GRM8: variants seen among roughly 807,000 people sequenced by gnomAD.
GRM8 encodes glutamate metabotropic receptor 8, also known as metabotropic glutamate receptor 8.
Under a neutral mutation model 87.2 loss-of-function variants are expected in GRM8, and 47 were observed. The ratio of observed to expected loss-of-function variants is 0.54; its 90% confidence interval spans 0.43 to 0.69. The LOEUF (loss-of-function observed/expected upper bound fraction) is 0.69. GRM8 is among the 30% of genes least tolerant of loss of function. The pLI, the probability that GRM8 is intolerant of heterozygous loss-of-function variation, is 0.00. For synonymous variants in GRM8, 396 were observed against 404.5 expected (o/e 0.98, Z 0.25); for missense variants, 1,019 against 1,139.2 (o/e 0.89, Z 1.52).
In GRM8 at chr7:126,679,885, G is replaced by A. The variant is rs1807358971; in HGVS notation, c.1358-70387C>T. 2.0e-5 allele frequency among the ~76,000 whole-genome samples: 3 copies of A among 151,978 alleles called. No homozygotes were observed. In the South Asian group the frequency reaches 6.2e-4, roughly 32 times the overall value. ...TCTCTACTAAAAAATAGAAAAATGA[G>A]CCAGGCCAGGTGGCAGGCACCTGTA... On this transcript the variant is annotated intron_variant, in intron 7 of 10. Coordinates refer to ENST00000339582, the MANE Select transcript of GRM8 (RefSeq NM_000845.3).
chr7:126,578,755 T>G (rs973261302), intron 8 of GRM8, among the ~76,000 whole-genome samples: 6 of 152,234 alleles, frequency 3.9e-5, no homozygotes, highest in Non-Finnish European at 5.9e-5. Context: ...AAATCACCAT[T>G]TTTAATTTGG....
intron 1 of GRM8, among the ~76,000 whole-genome samples, chr7:127,244,902 G>A (rs951042295): frequency 3.3e-5 from 5 of 152,116 alleles, no homozygotes; most frequent in African/African-American, 9.7e-5. Context: ...TGGCCCACTC[G>A]GCTGAGATAG....
chr7:126,743,087 CT>C (rs948695648), intron 7 of GRM8, among the ~76,000 whole-genome samples: 1 of 152,062 alleles, frequency 6.6e-6, no homozygotes, highest in African/African-American at 2.4e-5. Context: ...GGTACCTCCC[CT>C]AATGGCTTTA....
At chr7:127,055,270 T>C (rs1359687427) in intron 3 of GRM8, among the ~76,000 whole-genome samples, 1 of 152,186 alleles carries the variant, frequency 6.6e-6, no homozygotes, top group Non-Finnish European at 1.5e-5. Context: ...TATCTTTAAA[T>C]ATTTTTTAGG....
Position 126,446,146 on chromosome 7 carries a change from C to G in GRM8, c.2657G>C (p.Cys886Ser), listed in dbSNP as rs1198292954. 6.2e-7 allele frequency: 1 copy of G among 1,612,874 alleles called. No homozygotes were observed. The highest frequency in any genetic ancestry group is 8.5e-7 in the Non-Finnish European group (1 of 1,179,136). ...CTTACTGTTGGTTTCAAGACTCTCA[C>G]AGAGTTCACTTTTCACCTCGCCATT... The part of the protein sequence containing the change: ...RPNGEVKSEL[C>S]ESLETNTSST... Residue 886 changes from cysteine (C) to serine (S), a missense_variant, in exon 10 of 11, where the codon TGT (cysteine) becomes TCT (serine). By Grantham distance (112) the Cys-to-Ser change is moderately radical. Coordinates refer to ENST00000339582, the MANE Select transcript of GRM8 (RefSeq NM_000845.3).
At chr7:126,475,592 T>TA (rs1385535760) in intron 9 of GRM8, among the ~76,000 whole-genome samples, 3 of 152,048 alleles carry the variant, frequency 2.0e-5, no homozygotes, top group African/African-American at 4.8e-5. Flanking sequence ...AAATGACTTT[T>TA]AAAAAATAGA....
intron 7 of GRM8, among the ~76,000 whole-genome samples, chr7:126,703,841 C>T (rs2151404741): frequency 6.6e-6 from 1 of 152,306 alleles, no homozygotes; most frequent in Admixed American, 6.5e-5. Context: ...AGATTATAGG[C>T]TTAAGCCACC....
chr7:127,178,457 G>T (rs1794240554), intron 2 of GRM8, among the ~76,000 whole-genome samples: 1 of 151,904 alleles, frequency 6.6e-6, no homozygotes, highest in South Asian at 2.1e-4. Flanking sequence ...AATTTCCTTG[G>T]CCTTGCTAGA....
At chr7:126,839,119 G>A (rs1164098819) in intron 6 of GRM8, among the ~76,000 whole-genome samples, 2 of 152,038 alleles carry the variant, frequency 1.3e-5, no homozygotes, top group Non-Finnish European at 2.9e-5. Flanking sequence ...ATTTTTGGCC[G>A]GGAACTATAC....
At chr7:126,885,609 GT>G (rs907745572) in intron 6 of GRM8, among the ~76,000 whole-genome samples, 5 of 152,112 alleles carry the variant, frequency 3.3e-5, no homozygotes, top group Non-Finnish European at 2.9e-5. Context: ...ATCTATTCTT[GT>G]TTTTTGTAGC....
chr7:126,806,508 T>C (rs1792744028), intron 6 of GRM8, among the ~76,000 whole-genome samples: 1 of 152,242 alleles, frequency 6.6e-6, no homozygotes, highest in African/African-American at 2.4e-5. Context: ...CCCACCCACA[T>C]CCTGCTGATT....
chr7:126,769,192 G>C (rs1344533624), intron 7 of GRM8, among the ~76,000 whole-genome samples: 1 of 152,058 alleles, frequency 6.6e-6, no homozygotes. Context: ...TGAAAGAACA[G>C]CAGCATTCAA....
At chr7:127,219,138 C>T (rs1204411946) in intron 2 of GRM8, among the ~76,000 whole-genome samples, 1 of 122,870 alleles carries the variant, frequency 8.1e-6, no homozygotes, top group Non-Finnish European at 1.7e-5. Flanking sequence ...TTCCAAGTGC[C>T]CTCTTGACAT....
At chr7:126,856,400 T>C (rs779883013) in intron 6 of GRM8, among the ~76,000 whole-genome samples, 7 of 152,166 alleles carry the variant, frequency 4.6e-5, no homozygotes, top group Non-Finnish European at 4.4e-5. Flanking sequence ...TAGATGCAGT[T>C]GAAATATGGA....
At chr7:127,200,753 T>G (rs1170358067) in intron 2 of GRM8, among the ~76,000 whole-genome samples, 1 of 152,218 alleles carries the variant, frequency 6.6e-6, no homozygotes, top group Non-Finnish European at 1.5e-5. Context: ...TATAAAGACA[T>G]GAGTCATTGG....
intron 3 of GRM8, chr7:127,076,103 A>G (rs1387616815): frequency 2.2e-6 from 1 of 455,638 alleles, no homozygotes; most frequent in Non-Finnish European, 4.4e-6. Context: ...GGTGGTCAGT[A>G]GAGAGCCTCT....
At chr7:127,161,795 TA>T (rs1015946734) in intron 2 of GRM8, among the ~76,000 whole-genome samples, 3 of 152,014 alleles carry the variant, frequency 2.0e-5, no homozygotes, top group African/African-American at 7.2e-5. Flanking sequence ...AATATATGTA[TA>T]AAAAAAGATT....
intron 7 of GRM8, among the ~76,000 whole-genome samples, chr7:126,636,651 G>A (rs949833111): frequency 6.6e-6 from 1 of 151,990 alleles, no homozygotes; most frequent in Admixed American, 6.6e-5. Flanking sequence ...CAAAATCAGA[G>A]ACCATACTTC....
intron 2 of GRM8, among the ~76,000 whole-genome samples, chr7:127,208,109 C>A (rs1796017326): frequency 6.6e-6 from 1 of 152,098 alleles, no homozygotes; most frequent in Non-Finnish European, 1.5e-5. Context: ...GACCATGGAC[C>A]ATGGACTGAT....
Sources: allele counts gnomAD v4.1 joint callset (sites outside exome capture counted in the v4.1 genomes callset), GRCh38; gene constraint gnomAD v4.1.1; transcripts MANE v1.5; gene names NCBI Gene and HGNC (gene_info 2026-07-23, HGNC 2026-07-21).